The following PRDM15 variants were observed in gnomAD, a reference collection of about 807,000 sequenced individuals.
The protein encoded by PRDM15 is PR domain zinc finger protein 15.
In PRDM15, 64 loss-of-function variants were observed where a neutral mutation model predicts 128.6. The observed-to-expected ratio is 0.50, with a 90% CI of 0.41 to 0.61. The LOEUF is 0.61. Among genes scored for constraint, PRDM15 ranks in the 20% least tolerant of loss-of-function variants. The pLI is 0.00. For missense variants in PRDM15, 1,242 were observed against 1,569.1 expected, an observed-to-expected ratio of 0.79 and a Z score of 3.52; for synonymous variants, 615 against 621.8, an observed-to-expected ratio of 0.99 and a Z score of 0.16.
At chr21:41,868,048 A>C (rs914731976) in intron 1 of PRDM15, among the ~76,000 whole-genome samples, 4 of 152,172 alleles carry the variant, frequency 2.6e-5, no homozygotes, top group Non-Finnish European at 5.9e-5. Flanking sequence ...AAAAAAAAAA[A>C]AAAAAAGAAT....
Position 41,810,052 on chromosome 21 carries a change from G to C in PRDM15, c.2652+102C>G. The C allele has an allele frequency of 1.7e-6, 2 of 1,204,344 alleles. No individual in the cohort carries two copies. Among genetic ancestry groups the C allele is most frequent in the South Asian group, 2.8e-5 (2 of 70,818 alleles). The allele number at this position is 1,204,344 out of a possible 1,614,324, so 74.6% of individuals were successfully genotyped here. A position where few individuals can be genotyped will look rare whatever the true frequency, so the allele number is the denominator to read the frequency against. On this transcript the variant is annotated intron_variant, in intron 21 of 23. Transcript: ENST00000398548. This position sits in a 1 kb window ranked among gnomAD's most constrained non-coding sequence, Gnocchi z 6.4. ...ACCTAAGACTCAGGGCCTGCCTCCA[G>C]TACTGGGGGTCTGCAGAGGGAGGTG... is the stretch of plus-strand genomic sequence containing the variant.
At chr21:41,878,905 C>G (rs1435460317) in intron 1 of PRDM15, 1 of 955,668 alleles carries the variant, frequency 1.0e-6, no homozygotes, top group Non-Finnish European at 1.2e-6. Context: ...GCCCCGCGGC[C>G]CCGCGCTGGG....
chr21:41,814,898 G>A (rs1247215357), intron 19 of PRDM15: 1 of 147,200 alleles, frequency 6.8e-6, no homozygotes, highest in Non-Finnish European at 1.5e-5. Context: ...ATTGCGCAGG[G>A]TGCTCTAGTG....
At position 41,821,041 on chromosome 21, in the gene PRDM15, C is replaced by T; in HGVS notation, c.2060+26G>A. On this transcript the variant is annotated intron_variant, in intron 16 of 23. Coordinates refer to ENST00000398548, the MANE Select transcript of PRDM15 (RefSeq NM_001040424.3). The surrounding 1 kb of genome is among the most constrained non-coding windows in gnomAD (Gnocchi z 5.4). ...GCATGTCCCCTCTCTCCTGACACAA[C>T]CCGGGAGCCCCCGACCAGGCCTCAC... 1.9e-6 allele frequency: 3 copies of T among 1,614,058 alleles called. No individual in the cohort carries two copies. Among genetic ancestry groups the T allele is most frequent in the Non-Finnish European group, 2.5e-6 (3 of 1,179,922 alleles).
At chr21:41,806,340 T>C (rs868346735) in intron 21 of PRDM15, among the ~76,000 whole-genome samples, 24 of 3,038 alleles carry the variant, frequency 7.9e-3, no homozygotes, top group South Asian at 0.024. Context: ...ACCATCACCA[T>C]CACCACCACC....
intron 11 of PRDM15, among the ~76,000 whole-genome samples, chr21:41,830,920 C>A (rs2062666595): frequency 6.6e-6 from 1 of 152,234 alleles, no homozygotes; most frequent in Non-Finnish European, 1.5e-5. Flanking sequence ...CAGTCCCTCA[C>A]CCTGCAGCAG....
At chr21:41,869,384 G>A (rs1038498715) in intron 1 of PRDM15, among the ~76,000 whole-genome samples, 13 of 151,690 alleles carry the variant, frequency 8.6e-5, no homozygotes, top group Admixed American at 2.6e-4. Flanking sequence ...GGGCTCAAGC[G>A]ATCTTCCTGC....
chr21:41,878,800 T>TCGG, intron 1 of PRDM15: 1 of 1,264,430 alleles, frequency 7.9e-7, no homozygotes, highest in Non-Finnish European at 1.0e-6. Flanking sequence ...CCCTGGGGCC[T>TCGG]CGGCGACGAC....
rs374658043 is a variant in PRDM15, at chr21:41,810,055, C to T, written c.2652+99G>A. ...TAAGACTCAGGGCCTGCCTCCAGTA[C>T]TGGGGGTCTGCAGAGGGAGGTGGGC... On this transcript the variant is annotated intron_variant, in intron 21 of 23. Transcript: ENST00000398548. This position sits in a 1 kb window ranked among gnomAD's most constrained non-coding sequence, Gnocchi z 6.4. 3.2e-6 allele frequency: 4 copies of T among 1,232,978 alleles called. No individual in the cohort carries two copies. The highest frequency in any genetic ancestry group is 4.8e-5 in the East Asian group (2 of 41,744). 76.4% of individuals were successfully genotyped at this position (1,232,978 alleles called of 1,614,324 possible).
chr21:41,818,081 C>T (rs909248221), intron 18 of PRDM15, among the ~76,000 whole-genome samples: 1 of 152,232 alleles, frequency 6.6e-6, no homozygotes, highest in Admixed American at 6.5e-5. Flanking sequence ...CCCTGCCCCT[C>T]CTGTCTCTAC....
intron 11 of PRDM15, chr21:41,834,694 G>A: frequency 2.9e-6 from 2 of 700,984 alleles, no homozygotes; most frequent in African/African-American, 1.7e-5. Flanking sequence ...CATCCCAGAG[G>A]GTGCACGTCA....
At chr21:41,845,820 CAA>C (rs2063247313) in intron 6 of PRDM15, among the ~76,000 whole-genome samples, 1 of 152,054 alleles carries the variant, frequency 6.6e-6, no homozygotes, top group Admixed American at 6.6e-5. Flanking sequence ...AGAAGAAACA[CAA>C]ATGAGCAGCA....
chr21:41,834,492 G>T lies in PRDM15; in HGVS notation c.1366+945C>A, dbSNP rs777090231. On this transcript the variant is annotated intron_variant, in intron 11 of 23. Transcript: ENST00000398548. ...GCAGGCGGACAAGGACGGGGTGGGCGTCGAAGGCTAACCTGGTAGGTCTCT... is the reference window on the plus strand; with the variant it reads ...GCAGGCGGACAAGGACGGGGTGGGCTTCGAAGGCTAACCTGGTAGGTCTCT... 4 of 1,549,456 alleles carry T rather than the reference G, an allele frequency of 2.6e-6. No homozygotes were observed. In the South Asian group the frequency reaches 4.8e-5, roughly 18 times the overall value.
At chr21:41,878,595 G>A (rs911170596) in intron 1 of PRDM15, 2 of 619,152 alleles carry the variant, frequency 3.2e-6, no homozygotes, top group African/African-American at 2.0e-5. Context: ...CACCCACCCC[G>A]GGTAGGCACG....
At chr21:41,803,682 T>G (rs1386087108) in intron 22 of PRDM15, among the ~76,000 whole-genome samples, 1 of 151,990 alleles carries the variant, frequency 6.6e-6, no homozygotes, top group African/African-American at 2.4e-5. Context: ...TTGCCAAGGG[T>G]AGAAATGGCC....
At chr21:41,814,312 C>CAA in intron 19 of PRDM15, 1 of 47,970 alleles carries the variant, frequency 2.1e-5, no homozygotes, top group Admixed American at 2.5e-4. Flanking sequence ...TATGAGAATG[C>CAA]CTCGTGTTAG....
Position 41,802,700 on chromosome 21 carries a change from C to G in PRDM15, c.2943+12G>C. 1 of 1,612,600 alleles carries G rather than the reference C, an allele frequency of 6.2e-7. No individual in the cohort carries two copies. Among genetic ancestry groups the G allele is most frequent in the Non-Finnish European group, 8.5e-7 (1 of 1,178,594 alleles). The stretch of plus-strand genomic sequence containing the variant: ...ACCGGCACCTAATCAGAACATAAAG[C>G]AGCAAACTGACCTGCTGAATGCTCT... On this transcript the variant is annotated intron_variant, in intron 23 of 23. Coordinates refer to ENST00000398548, the MANE Select transcript of PRDM15 (RefSeq NM_001040424.3).
intron 14 of PRDM15, chr21:41,823,053 G>T: frequency 2.6e-6 from 1 of 381,546 alleles, no homozygotes; most frequent in Non-Finnish European, 4.9e-6. Context: ...AAAAAAGAAT[G>T]GGATTTGGGC....
At chr21:41,824,967 G>A (rs1232117054) in intron 13 of PRDM15, among the ~76,000 whole-genome samples, 1 of 152,258 alleles carries the variant, frequency 6.6e-6, no homozygotes, top group East Asian at 1.9e-4. Context: ...CTGCTGAAAC[G>A]CTGGATGAGC....
Sources: allele counts gnomAD v4.1 joint callset (sites outside exome capture counted in the v4.1 genomes callset), GRCh38; gene constraint gnomAD v4.1.1; non-coding constraint Gnocchi (gnomAD v3.1); transcripts MANE v1.5; gene names NCBI Gene and HGNC (gene_info 2026-07-23, HGNC 2026-07-21).